BCL9: variants seen among roughly 807,000 people sequenced by gnomAD.
BCL9 encodes B-cell CLL/lymphoma 9 protein.
A neutral mutation model predicts 88.5 loss-of-function variants in BCL9; 25 were observed. The observed-to-expected ratio is 0.28, with a 90% CI of 0.21 to 0.39. The LOEUF (loss-of-function observed/expected upper bound fraction) is 0.39. Ranked by LOEUF, BCL9 falls within the 10% of genes least tolerant of loss-of-function variation. BCL9 has a pLI of 1.00. For missense variants in BCL9, 1,817 were observed against 1,877.8 expected (o/e 0.97, Z 0.60); for synonymous variants, 711 against 673.3 (o/e 1.06, Z -0.87).
intron 1 of BCL9, among the ~76,000 whole-genome samples, chr1:147,542,083 G>A (rs926585978): frequency 6.6e-6 from 1 of 152,162 alleles, no homozygotes; most frequent in Non-Finnish European, 1.5e-5. Context: ...GGCTGAGCAA[G>A]GGCCGGCCAG....
chr1:147,621,210 C>T (rs961630094), intron 8 of BCL9, among the ~76,000 whole-genome samples, 153 bp downstream of exon 8: 7 of 152,170 alleles, frequency 4.6e-5, no homozygotes, highest in African/African-American at 1.7e-4. Flanking sequence ...ATAATCAGTG[C>T]TTCCATGGGG....
intron 1 of BCL9, among the ~76,000 whole-genome samples, chr1:147,577,413 CTCTTA>C (rs1656158355): frequency 1.3e-5 from 2 of 152,150 alleles, no homozygotes; most frequent in Admixed American, 6.5e-5. Context: ...TCATGCTCTT[CTCTTA>C]TGACTATGGA....
intron 1 of BCL9, among the ~76,000 whole-genome samples, chr1:147,552,108 C>A (rs1278722024): frequency 6.6e-6 from 1 of 152,062 alleles, no homozygotes; most frequent in Non-Finnish European, 1.5e-5. Flanking sequence ...ATCAAAAGAA[C>A]TGTGGTAGTC....
intron 7 of BCL9, among the ~76,000 whole-genome samples, chr1:147,617,452 T>C (rs1486789255): frequency 3.9e-5 from 6 of 152,122 alleles, no homozygotes; most frequent in African/African-American, 1.4e-4. Flanking sequence ...CAAGGTGACC[T>C]CTACACTCCA....
At chr1:147,612,490 ACAGCTGTTCCTTGTC>A (rs1271784927) in intron 4 of BCL9, among the ~76,000 whole-genome samples, 2 of 152,092 alleles carry the variant, frequency 1.3e-5, no homozygotes, top group Middle Eastern at 3.2e-3. Context: ...AGGCTCTCCT[ACAGCTGTTCCTTGTC>A]ATCAGCCTGG....
intron 1 of BCL9, among the ~76,000 whole-genome samples, chr1:147,578,532 G>GA (rs1390438052): frequency 1.3e-5 from 2 of 152,034 alleles, no homozygotes; most frequent in South Asian, 2.1e-4. Context: ...TTCAAAATGT[G>GA]AAAAAAAATC....
chr1:147,599,978 G>A (rs1370391970), intron 1 of BCL9, among the ~76,000 whole-genome samples: 2 of 151,418 alleles, frequency 1.3e-5, no homozygotes, highest in African/African-American at 4.8e-5. Context: ...GCGGGGCGGG[G>A]CGGTCCCGGT....
At chr1:147,541,872 T>C (rs1654336111) in intron 1 of BCL9, among the ~76,000 whole-genome samples, 198 bp downstream of exon 1, 1 of 139,316 alleles carries the variant, frequency 7.2e-6, no homozygotes, top group Admixed American at 7.3e-5. Flanking sequence ...ACACGATCTG[T>C]GCCTCTGGGT....
chr1:147,581,083 C>T (rs1282370844), intron 1 of BCL9, among the ~76,000 whole-genome samples: 1 of 152,076 alleles, frequency 6.6e-6, no homozygotes, highest in Non-Finnish European at 1.5e-5. Context: ...GGGTTTGAAA[C>T]CTGGTTCTGC....
chr1:147,548,642 G>A (rs1337603527), intron 1 of BCL9, among the ~76,000 whole-genome samples: 1 of 152,138 alleles, frequency 6.6e-6, no homozygotes, highest in Non-Finnish European at 1.5e-5. Context: ...TTAGCATAGG[G>A]TGAAACAGAA....
At chr1:147,588,495 C>G (rs958884397) in intron 1 of BCL9, among the ~76,000 whole-genome samples, 1 of 152,146 alleles carries the variant, frequency 6.6e-6, no homozygotes, top group Non-Finnish European at 1.5e-5. Context: ...TGGGTTCTCC[C>G]TCCATCAGCC....
intron 1 of BCL9, among the ~76,000 whole-genome samples, chr1:147,560,005 C>T (rs1553195889): frequency 6.6e-6 from 1 of 152,164 alleles, no homozygotes; most frequent in Admixed American, 6.5e-5. Flanking sequence ...CACTCTCTTC[C>T]TCTAGGATAT....
intron 2 of BCL9, among the ~76,000 whole-genome samples, chr1:147,606,477 A>G (rs1553202016): frequency 6.6e-6 from 1 of 152,232 alleles, no homozygotes; most frequent in Non-Finnish European, 1.5e-5. Flanking sequence ...GTTTCTTTCT[A>G]CTAAATTCCC....
At position 147,619,957 on chromosome 1, in the gene BCL9, A is replaced by G. The variant is rs782275027; in HGVS notation, c.1802A>G (p.Asp601Gly). The change falls in exon 8 of 10, where the codon GAT becomes GGT. Residue 601 changes from aspartate to glycine, a missense_variant. This residue lies in a region of BCL9 where 1,228 missense variants were observed against 1,191.6 expected (regional missense o/e 1.03). Transcript: ENST00000234739. This position sits in a 1 kb window ranked among gnomAD's most constrained non-coding sequence, Gnocchi z 4.1. ...SWPDDVPKIP[D>G]GRNFPPGQGI... Reference sequence around the variant, plus strand: ...CCAGATGATGTGCCAAAAATCCCAGATGGTCGAAATTTTCCTCCTGGCCAG... The same window carrying G: ...CCAGATGATGTGCCAAAAATCCCAGGTGGTCGAAATTTTCCTCCTGGCCAG... 4 of 1,614,162 alleles carry G rather than the reference A, an allele frequency of 2.5e-6. No individual in the cohort carries two copies. The highest frequency in any genetic ancestry group is 3.4e-6 in the Non-Finnish European group (4 of 1,180,020).
intron 7 of BCL9, among the ~76,000 whole-genome samples, chr1:147,616,360 T>C (rs1484827228): frequency 6.6e-6 from 1 of 152,268 alleles, no homozygotes; most frequent in African/African-American, 2.4e-5. Context: ...CATATTTATT[T>C]CAAAGTGATA....
intron 1 of BCL9, among the ~76,000 whole-genome samples, chr1:147,552,116 G>T (rs1654930210): frequency 6.6e-6 from 1 of 152,132 alleles, no homozygotes; most frequent in African/African-American, 2.4e-5. Context: ...AACTGTGGTA[G>T]TCACGGGAGA....
chr1:147,554,769 A>G (rs1191710509), intron 1 of BCL9, among the ~76,000 whole-genome samples: 2 of 152,146 alleles, frequency 1.3e-5, no homozygotes, highest in African/African-American at 4.8e-5. Context: ...TAAAATGGAG[A>G]TAGTGGAAAT....
intron 1 of BCL9, among the ~76,000 whole-genome samples, chr1:147,583,438 C>T (rs1053116453): frequency 6.6e-5 from 10 of 151,696 alleles, no homozygotes; most frequent in Admixed American, 6.6e-4. Flanking sequence ...ACACCATGCC[C>T]AGCTAATTTT....
intron 8 of BCL9, among the ~76,000 whole-genome samples, chr1:147,621,536 C>T (rs1658642032): frequency 1.3e-5 from 2 of 151,388 alleles, no homozygotes; most frequent in South Asian, 4.2e-4. Flanking sequence ...CCTTGATAGA[C>T]CACTGTTTTC....
Sources: allele counts gnomAD v4.1 joint callset (sites outside exome capture counted in the v4.1 genomes callset), GRCh38; gene constraint gnomAD v4.1.1; regional missense constraint gnomAD v4.1.1; non-coding constraint Gnocchi (gnomAD v3.1); transcripts MANE v1.5; gene names NCBI Gene and HGNC (gene_info 2026-07-23, HGNC 2026-07-21).